Variants in EYA1 observed in about 807,000 individuals in gnomAD.
The protein encoded by EYA1 is EYA transcriptional coactivator and phosphatase 1.
In EYA1, 16 loss-of-function variants were observed where a neutral mutation model predicts 82.0. The observed-to-expected ratio is 0.20, with a 90% CI of 0.13 to 0.30. The LOEUF (loss-of-function observed/expected upper bound fraction) is 0.30, where lower values mean the gene tolerates loss of function less well. Ranked by LOEUF, EYA1 falls within the 10% of genes least tolerant of loss-of-function variation. The pLI, the probability that EYA1 is intolerant of heterozygous loss-of-function variation, is 1.00. For synonymous variants in EYA1, 261 were observed against 264.4 expected (o/e 0.99, Z 0.12); for missense variants, 633 against 730.7 (o/e 0.87, Z 1.54).
intron 2 of EYA1, among the ~76,000 whole-genome samples, chr8:71,502,634 G>T (rs1309975517): frequency 6.6e-6 from 1 of 152,048 alleles, no homozygotes; most frequent in Non-Finnish European, 1.5e-5. Flanking sequence ...ATTTTATCTG[G>T]CAACTCTAGT....
intron 2 of EYA1, among the ~76,000 whole-genome samples, chr8:71,498,200 A>G (rs373452241): frequency 7.9e-5 from 12 of 152,306 alleles, no homozygotes; most frequent in African/African-American, 2.4e-4. Flanking sequence ...GTGGATGTAG[A>G]GTGTTCTCAC....
rs1304910864 is a variant in EYA1, at chr8:71,407,369, A to G, written c.34-50858T>C. On this transcript the variant is annotated intron_variant, in intron 2 of 18. Coordinates refer to the EYA1 transcript ENST00000643681. ...CTCACCAGCAACGGAACAAAGCTGG[A>G]TGGAGAATGACTTTGACGAGCTGAG... is the stretch of plus-strand genomic sequence containing the variant. 5.6e-4 allele frequency among the ~76,000 whole-genome samples: 79 copies of G among 140,278 alleles called. 1 individual carries two copies. The highest frequency in any genetic ancestry group is 1.9e-3 in the African/African-American group (70 of 37,650). The allele number at this position is 140,278 out of a possible 152,430, so 92.0% of individuals were successfully genotyped here.
At chr8:71,491,420 C>CT (rs1160065226) in intron 2 of EYA1, among the ~76,000 whole-genome samples, 2 of 152,168 alleles carry the variant, frequency 1.3e-5, no homozygotes, top group Non-Finnish European at 2.9e-5. Context: ...TACACTGTGT[C>CT]TCCCCAGAAT....
intron 4 of EYA1, among the ~76,000 whole-genome samples, chr8:71,330,041 T>TG (rs1823640772): frequency 6.6e-6 from 1 of 151,880 alleles, no homozygotes; most frequent in African/African-American, 2.4e-5. Context: ...ACACACTGTG[T>TG]GGGGAGCATG....
chr8:71,530,284 C>T (rs1166154711), intron 2 of EYA1, among the ~76,000 whole-genome samples: 1 of 152,142 alleles, frequency 6.6e-6, no homozygotes, highest in Non-Finnish European at 1.5e-5. Flanking sequence ...GGTGCACTCC[C>T]AGAAGCTAAG....
chr8:71,260,462 T>C (rs564838610), intron 11 of EYA1, among the ~76,000 whole-genome samples: 141 of 152,360 alleles, frequency 9.3e-4, no homozygotes, highest in African/African-American at 3.3e-3. Context: ...TCTCTGAATA[T>C]GTACCTACTT....
intron 2 of EYA1, among the ~76,000 whole-genome samples, chr8:71,493,327 T>A (rs928067950): frequency 2.0e-5 from 3 of 152,218 alleles, no homozygotes; most frequent in African/African-American, 7.2e-5. Context: ...TGTTCTTTCT[T>A]CCACTTGCCA....
chr8:71,390,960 A>T (rs1829243398), intron 2 of EYA1, among the ~76,000 whole-genome samples: 1 of 151,946 alleles, frequency 6.6e-6, no homozygotes, highest in African/African-American at 2.4e-5. Context: ...TCAATATAAA[A>T]TTTACCTTTT....
At chr8:71,396,132 G>T (rs972317612) in intron 2 of EYA1, among the ~76,000 whole-genome samples, 1 of 152,086 alleles carries the variant, frequency 6.6e-6, no homozygotes, top group African/African-American at 2.4e-5. Context: ...GGGATCGGTG[G>T]TGATATCCCC....
At chr8:71,297,285 T>C (rs1310817956) in intron 9 of EYA1, among the ~76,000 whole-genome samples, 1 of 152,124 alleles carries the variant, frequency 6.6e-6, no homozygotes, top group Non-Finnish European at 1.5e-5. Flanking sequence ...CTCTCTCACA[T>C]AGCATCCCTT....
intron 2 of EYA1, among the ~76,000 whole-genome samples, chr8:71,505,360 ACTTTT>A (rs1442420373): frequency 2.0e-5 from 3 of 152,204 alleles, no homozygotes; most frequent in African/African-American, 7.2e-5. Context: ...GTACTGCCAC[ACTTTT>A]CTTTATGTTG....
chr8:71,461,822 CA>C (rs1016256088), intron 2 of EYA1, among the ~76,000 whole-genome samples: 1 of 152,086 alleles, frequency 6.6e-6, no homozygotes, highest in African/African-American at 2.4e-5. Flanking sequence ...ATTCCCTAGC[CA>C]GGGTGTCCTA....
At chr8:71,544,611 T>C (rs1225056388) in intron 1 of EYA1, among the ~76,000 whole-genome samples, 4 of 152,218 alleles carry the variant, frequency 2.6e-5, no homozygotes, top group Non-Finnish European at 4.4e-5. Context: ...TTGAAATATT[T>C]GAAGATTACA....
intron 6 of EYA1, among the ~76,000 whole-genome samples, chr8:71,319,135 T>A (rs1452081710): frequency 3.2e-5 from 2 of 63,474 alleles, no homozygotes; most frequent in Non-Finnish European, 5.7e-5. Context: ...AATTCATGTA[T>A]TTTTTTTTTT....
intron 3 of EYA1, among the ~76,000 whole-genome samples, chr8:71,336,046 A>G (rs1338666479): frequency 6.6e-6 from 1 of 151,574 alleles, no homozygotes; most frequent in Non-Finnish European, 1.5e-5. Flanking sequence ...CTCAGAATAG[A>G]CAAACTCCCT....
intron 2 of EYA1, among the ~76,000 whole-genome samples, chr8:71,445,274 C>A (rs899009857): frequency 4.6e-5 from 7 of 152,092 alleles, no homozygotes; most frequent in African/African-American, 1.7e-4. Flanking sequence ...ATGAGTTTTT[C>A]TAGCAAAGAG....
At chr8:71,260,270 G>A (rs1814938790) in intron 11 of EYA1, among the ~76,000 whole-genome samples, 1 of 152,072 alleles carries the variant, frequency 6.6e-6, no homozygotes, top group Non-Finnish European at 1.5e-5. Context: ...CTATTTTAAT[G>A]GCTAAGTCAT....
intron 3 of EYA1, among the ~76,000 whole-genome samples, chr8:71,348,495 G>A (rs1179336483): frequency 6.6e-6 from 1 of 152,212 alleles, no homozygotes; most frequent in Non-Finnish European, 1.5e-5. Context: ...TGCACTATTA[G>A]CAATTGGAAG....
In EYA1 at chr8:71,423,011, T is replaced by A. The variant is rs147986749; in HGVS notation, c.34-66500A>T. Among the ~76,000 whole-genome samples the A allele has an allele frequency of 2.6e-5, 4 of 152,164 alleles. No homozygotes were observed. The South Asian group carries it at 8.3e-4, about 32-fold the overall frequency. Reference sequence around the variant, plus strand: ...TTTAAACTTGGAAACCTGCAGAAACTAATCAATGATCACAAAAATAAGAAC... The same window carrying A: ...TTTAAACTTGGAAACCTGCAGAAACAAATCAATGATCACAAAAATAAGAAC... On this transcript the variant is annotated intron_variant, in intron 2 of 18. Coordinates refer to the EYA1 transcript ENST00000643681.
Sources: gnomAD v4.1 joint callset for allele counts (sites outside exome capture counted in the v4.1 genomes callset) on GRCh38, gnomAD v4.1.1 for gene constraint, MANE v1.5 for transcripts, NCBI Gene and HGNC (gene_info 2026-07-23, HGNC 2026-07-21) for gene names.